Variants in NPAS3 observed in about 807,000 individuals in gnomAD.
The protein encoded by NPAS3 is neuronal PAS domain protein 3, also known as neuronal PAS domain-containing protein 3.
In NPAS3, 14 loss-of-function variants were observed where a neutral mutation model predicts 73.1. The ratio of observed to expected loss-of-function variants is 0.19; its 90% CI spans 0.13 to 0.30. NPAS3 has a LOEUF of 0.30. Among genes scored for constraint, NPAS3 ranks in the 10% least tolerant of loss-of-function variants. The pLI, the probability that NPAS3 is intolerant of heterozygous loss-of-function variation, is 1.00. For synonymous variants in NPAS3, 620 were observed against 541.5 expected (o/e 1.14, Z -2.01); for missense variants, 1,096 against 1,250.0 (o/e 0.88, Z 1.86).
intron 6 of NPAS3, among the ~76,000 whole-genome samples, chr14:33,679,592 T>TTGA (rs2059876164): frequency 6.6e-6 from 1 of 152,202 alleles, no homozygotes; most frequent in Non-Finnish European, 1.5e-5. Flanking sequence ...GAAAGGGATA[T>TTGA]TGATATATGG....
At chr14:33,163,340 G>A (rs1408495373) in intron 2 of NPAS3, among the ~76,000 whole-genome samples, 5 of 152,212 alleles carry the variant, frequency 3.3e-5, no homozygotes, top group East Asian at 1.9e-4. Context: ...CAGGCCAGGC[G>A]AGAGCTGGAG....
At chr14:33,710,982 C>T (rs545822041) in intron 6 of NPAS3, among the ~76,000 whole-genome samples, 24 of 152,242 alleles carry the variant, frequency 1.6e-4, no homozygotes, top group African/African-American at 5.8e-4. Context: ...TTATGCCAAA[C>T]ACAGAACTTC....
intron 2 of NPAS3, among the ~76,000 whole-genome samples, chr14:33,083,192 A>G (rs1458687221): frequency 5.7e-5 from 2 of 35,362 alleles, no homozygotes; most frequent in Non-Finnish European, 9.0e-5. Flanking sequence ...AAAAAAAAAA[A>G]AAAAAAAAAA....
chr14:33,578,502 C>T (rs1183139466), intron 5 of NPAS3, among the ~76,000 whole-genome samples: 3 of 152,136 alleles, frequency 2.0e-5, no homozygotes, highest in Admixed American at 2.0e-4. Context: ...CCCCAACACC[C>T]GTCTTTTGCA....
rs151078668 is a variant in NPAS3 at position 33,112,497 on chromosome 14, G to A, written c.140+56503G>A. 6.9e-3 allele frequency among the ~76,000 whole-genome samples: 1,058 copies of A among 152,248 alleles called. 10 individuals carry two copies. Among genetic ancestry groups the A allele is most frequent in the African/African-American group, 0.023 (953 of 41,540 alleles). ...TGAGAAGTGTCTGTGCATATCCTTCGCCCAGTTTTTGATGGGGTTGTTTTT... is the reference window on the plus strand; with the variant it reads ...TGAGAAGTGTCTGTGCATATCCTTCACCCAGTTTTTGATGGGGTTGTTTTT... On this transcript the variant is annotated intron_variant, in intron 2 of 11. Coordinates refer to ENST00000356141, the Ensembl canonical transcript of NPAS3.
intron 3 of NPAS3, among the ~76,000 whole-genome samples, chr14:33,339,519 A>T (rs934016422): frequency 1.3e-5 from 2 of 152,242 alleles, no homozygotes; most frequent in African/African-American, 2.4e-5. Context: ...TTTATGCTAC[A>T]TAGTCTATAT....
intron 3 of NPAS3, among the ~76,000 whole-genome samples, chr14:33,355,209 A>G (rs2045280269): frequency 6.6e-6 from 1 of 152,212 alleles, no homozygotes; most frequent in South Asian, 2.1e-4. Context: ...TGGAAAACTA[A>G]CACTCATATC....
At chr14:33,459,067 A>T (rs1288143900) in intron 4 of NPAS3, among the ~76,000 whole-genome samples, 3 of 152,204 alleles carry the variant, frequency 2.0e-5, no homozygotes, top group Non-Finnish European at 2.9e-5. Context: ...CCCTTTTTAG[A>T]CCATATAGGG....
chr14:33,275,126 A>C (rs2041270699), intron 3 of NPAS3, among the ~76,000 whole-genome samples: 1 of 152,222 alleles, frequency 6.6e-6, no homozygotes, highest in Admixed American at 6.5e-5. Flanking sequence ...ATAATAAAGT[A>C]TAGCTACAAA....
chr14:33,435,803 A>G (rs2048964485), intron 4 of NPAS3, among the ~76,000 whole-genome samples: 1 of 152,144 alleles, frequency 6.6e-6, no homozygotes, highest in African/African-American at 2.4e-5. Context: ...ATGGCTAATG[A>G]GTATGATGTT....
At chr14:33,133,088 A>G (rs912497985) in intron 2 of NPAS3, among the ~76,000 whole-genome samples, 1 of 152,172 alleles carries the variant, frequency 6.6e-6, no homozygotes, top group Non-Finnish European at 1.5e-5. Context: ...ATGAAAGAAG[A>G]CTTCTATCTG....
At chr14:33,259,656 A>G (rs984315991) in intron 3 of NPAS3, among the ~76,000 whole-genome samples, 6 of 152,264 alleles carry the variant, frequency 3.9e-5, no homozygotes, top group African/African-American at 1.2e-4. Context: ...GATTTTGTTC[A>G]TTTTATTTTT....
chr14:33,757,401 A>G (rs2062148472), intron 7 of NPAS3, among the ~76,000 whole-genome samples: 1 of 152,198 alleles, frequency 6.6e-6, no homozygotes, highest in Non-Finnish European at 1.5e-5. Flanking sequence ...TGAGGCTCAT[A>G]GAGGTCCTGC....
intron 4 of NPAS3, among the ~76,000 whole-genome samples, chr14:33,454,479 T>C (rs2049938017): frequency 6.6e-6 from 1 of 152,212 alleles, no homozygotes; most frequent in African/African-American, 2.4e-5. Context: ...AACATGTTAC[T>C]CCATGAGATG....
rs548500947 is a variant in NPAS3 at position 33,114,283 on chromosome 14, C to T, written c.140+58289C>T. Among the ~76,000 whole-genome samples the T allele has an allele frequency of 2.0e-5, 3 of 152,262 alleles. 1 individual carries two copies. Among genetic ancestry groups the T allele is most frequent in the South Asian group, 4.1e-4 (2 of 4,826 alleles). ...ACTCCTGGCCTCAATGATCCACCCCCCTTTGGCCTCCCACATTGCTGGGAT... is the reference window on the plus strand; with the variant it reads ...ACTCCTGGCCTCAATGATCCACCCCTCTTTGGCCTCCCACATTGCTGGGAT... On this transcript the variant is annotated intron_variant, in intron 2 of 11. Coordinates refer to ENST00000356141, the Ensembl canonical transcript of NPAS3.
At chr14:33,534,847 AT>A (rs1428780242) in intron 4 of NPAS3, among the ~76,000 whole-genome samples, 1 of 152,074 alleles carries the variant, frequency 6.6e-6, no homozygotes, top group African/African-American at 2.4e-5. Context: ...GCACAGTGGA[AT>A]GGGGGAATCC....
exon 6 of NPAS3, chr14:33,676,365 A>G (rs1199500417): frequency 6.3e-7 from 1 of 1,583,912 alleles, no homozygotes. Flanking sequence ...TCCTCCTCTC[A>G]GTCGGAGACC....
At chr14:33,196,189 C>T (rs536857861) in intron 2 of NPAS3, among the ~76,000 whole-genome samples, 1 of 152,142 alleles carries the variant, frequency 6.6e-6, no homozygotes, top group Admixed American at 6.5e-5. Context: ...ATTGAATAGC[C>T]TCCTATGTGT....
chr14:33,426,501 C>T (rs146943136), intron 4 of NPAS3, among the ~76,000 whole-genome samples: 95 of 152,158 alleles, frequency 6.2e-4, no homozygotes, highest in African/African-American at 2.1e-3. Flanking sequence ...TCACATGCAA[C>T]AGAGGACACA....
Sources: allele counts gnomAD v4.1 joint callset (sites outside exome capture counted in the v4.1 genomes callset), GRCh38; gene constraint gnomAD v4.1.1; transcripts MANE v1.5; gene names NCBI Gene and HGNC (gene_info 2026-07-23, HGNC 2026-07-21).